ZFYVE26: variants seen among roughly 807,000 people sequenced by gnomAD.
The protein encoded by ZFYVE26 is zinc finger FYVE-type containing 26, also known as zinc finger FYVE domain-containing protein 26.
In ZFYVE26, 181 loss-of-function variants were observed where a neutral mutation model predicts 276.5. The ratio of observed to expected loss-of-function variants is 0.65; its 90% CI spans 0.58 to 0.74. ZFYVE26 has a LOEUF of 0.74. Ranked by LOEUF, ZFYVE26 falls within the 30% of genes least tolerant of loss-of-function variation. The pLI is 0.00. For missense variants in ZFYVE26, 2,821 were observed against 3,097.9 expected, an observed-to-expected ratio of 0.91 and a Z score of 2.12; for synonymous variants, 1,129 against 1,203.1, an observed-to-expected ratio of 0.94 and a Z score of 1.27.
In ZFYVE26 at chr14:67,793,703, G is replaced by A. The variant is rs138022659; in HGVS notation, c.2458C>T (p.His820Tyr). 1.9e-6 allele frequency: 3 copies of A among 1,613,798 alleles called. No individual in the cohort carries two copies. The highest frequency in any genetic ancestry group is 1.7e-5 in the Admixed American group (1 of 59,972). Residue 820 changes from histidine (H) to tyrosine (Y), a missense_variant, in exon 14 of 42, where the codon CAT (histidine) becomes TAT (tyrosine). Physicochemically the swap from His to Tyr is moderately conservative, Grantham distance 83. Coordinates refer to ENST00000347230, the MANE Select transcript of ZFYVE26 (RefSeq NM_015346.4). Reference sequence around the variant, plus strand: ...ATGGGGATGAGTGAACTTTGAGGATGGGGGTGCAATCTACTGTGCAGCTCA... The same window carrying A: ...ATGGGGATGAGTGAACTTTGAGGATAGGGGTGCAATCTACTGTGCAGCTCA... ...RNELHSRLHPHPQSSLIPMMF... is the reference protein window; with the variant it reads ...RNELHSRLHPYPQSSLIPMMF...
At chr14:67,811,593 T>G (rs1421390468) in intron 3 of ZFYVE26, among the ~76,000 whole-genome samples, 1 of 151,986 alleles carries the variant, frequency 6.6e-6, no homozygotes, top group Non-Finnish European at 1.5e-5. Context: ...GCATGTTCAA[T>G]GTAGAAAAAT....
At chr14:67,778,546 A>C (rs555915088) in intron 23 of ZFYVE26, among the ~76,000 whole-genome samples, 12 of 152,272 alleles carry the variant, frequency 7.9e-5, no homozygotes, top group Non-Finnish European at 1.2e-4. Context: ...AAGAATGGGC[A>C]GGCCCAATGT....
Position 67,807,658 on chromosome 14 carries a change from G to A in ZFYVE26, c.626C>T (p.Ser209Leu), listed in dbSNP as rs201879207. 1.9e-5 allele frequency: 30 copies of A among 1,614,038 alleles called. 1 individual carries two copies. Among genetic ancestry groups the A allele is most frequent in the East Asian group, 6.7e-5 (3 of 44,900 alleles). Reference protein sequence around the residue: ...KALRALQGPDSVPPGVVDAIY... With the variant: ...KALRALQGPDLVPPGVVDAIY... ...GGCATCGACTACCCCAGGGGGCACC[G>A]AATCAGGGCCCTGCAAAGCCCGCAA... The change falls in exon 5 of 42, where the codon TCG becomes TTG. Residue 209 changes from serine (S) to leucine (L), a missense_variant. Physicochemically the swap from Ser to Leu is moderately radical, Grantham distance 145. Transcript: ENST00000347230.
chr14:67,747,882 A>C lies in ZFYVE26; in HGVS notation c.*554T>G, dbSNP rs1726771235. Reference sequence around the variant, plus strand: ...TATTCCACAGGTAGCACTTGCCCCAAAGCCATCTCTGAATTTTGGAATGGG... The same window carrying C: ...TATTCCACAGGTAGCACTTGCCCCACAGCCATCTCTGAATTTTGGAATGGG... On this transcript the variant is annotated 3_prime_UTR_variant, in exon 42 of 42. Coordinates refer to ENST00000347230, the MANE Select transcript of ZFYVE26 (RefSeq NM_015346.4). 1 of 159,816 alleles carries C rather than the reference A, an allele frequency of 6.3e-6. No individual in the cohort carries two copies. Among genetic ancestry groups the C allele is most frequent in the African/African-American group, 2.4e-5 (1 of 41,468 alleles). 9.9% of individuals were successfully genotyped at this position (159,816 alleles called of 1,614,324 possible).
intron 33 of ZFYVE26, 109 bp from the exon 34 acceptor site, chr14:67,762,521 C>T: frequency 6.5e-7 from 1 of 1,528,432 alleles, no homozygotes; most frequent in Non-Finnish European, 8.9e-7. Context: ...CCACTATCTG[C>T]CATTACTTCT....
rs765059644 is a variant in ZFYVE26 at position 67,785,227 on chromosome 14, C to T, written c.3355G>A (p.Ala1119Thr). 6.2e-7 allele frequency: 1 copy of T among 1,613,626 alleles called. No homozygotes were observed. Among genetic ancestry groups the T allele is most frequent in the African/African-American group, 1.3e-5 (1 of 75,036 alleles). Residue 1119 changes from alanine to threonine, a missense_variant, in exon 19 of 42, where the codon GCT becomes ACT. Coordinates refer to ENST00000347230, the MANE Select transcript of ZFYVE26 (RefSeq NM_015346.4). ...SSLVEQAAQK[A>T]PEAEAHPVQI... ...ACAGGGTGGGCCTCTGCCTCTGGAG[C>T]TTTCTGGGCTGCCTGCTCCACCAGG...
chr14:67,804,601 A>G (rs952103610), intron 8 of ZFYVE26, among the ~76,000 whole-genome samples: 3 of 152,204 alleles, frequency 2.0e-5, no homozygotes, highest in African/African-American at 4.8e-5. Context: ...TACTTTGAGT[A>G]AGAGCCCCTT....
At position 67,815,461 on chromosome 14, in the gene ZFYVE26, T is replaced by C. The variant is rs551000262; in HGVS notation, c.194+309A>G. On this transcript the variant is annotated intron_variant, in intron 2 of 41. Coordinates refer to ENST00000347230, the MANE Select transcript of ZFYVE26 (RefSeq NM_015346.4). ...CAAGAAGAGAGCAGGGTTTGCTTTTTTGGAGGCAAAGAAAATAGTTTTCAA... is the reference window on the plus strand; with the variant it reads ...CAAGAAGAGAGCAGGGTTTGCTTTTCTGGAGGCAAAGAAAATAGTTTTCAA... 348 of 396,688 alleles carry C rather than the reference T, an allele frequency of 8.8e-4. 4 individuals carry two copies. The highest frequency in any genetic ancestry group is 3.8e-3 in the Middle Eastern group (5 of 1,320). The allele number at this position is 396,688 out of a possible 1,614,324, so 24.6% of individuals were successfully genotyped here.
rs201210376 is a variant in ZFYVE26 at position 67,762,227 on chromosome 14, G to T, written c.6345C>A (p.Ser2115=). The T allele has an allele frequency of 1.2e-6, 2 of 1,614,104 alleles. No homozygotes were observed. The highest frequency in any genetic ancestry group is 1.7e-6 in the Non-Finnish European group (2 of 1,180,020). The change falls in exon 34 of 42, where the codon TCC becomes TCA. Residue 2115 remains serine, a synonymous_variant. Transcript: ENST00000347230. ...CCAAGGATACAAAGGGCCTCACTGT[G>T]GACTCTAGGTACTCAACCACATCCT... ...LVQDVVEYLE[S]TVRPFVSLQD...
chr14:67,741,260 A>G (rs1267459745), intron 13 of ZFYVE26, among the ~76,000 whole-genome samples: 2 of 152,222 alleles, frequency 1.3e-5, no homozygotes, highest in African/African-American at 4.8e-5. Context: ...TTAGGGTATC[A>G]GGTTATGTTA....
chr14:67,732,032 C>T (rs573046391), intron 13 of ZFYVE26, among the ~76,000 whole-genome samples: 1 of 148,976 alleles, frequency 6.7e-6, no homozygotes, highest in Non-Finnish European at 1.5e-5. Context: ...GAGGCTGAGG[C>T]AGGAGAATCA....
In ZFYVE26 at chr14:67,767,822, T is replaced by C. The variant is rs3742883; in HGVS notation, c.5672A>G (p.Asn1891Ser). 0.97 allele frequency: 1,569,503 copies of C among 1,614,112 alleles called. 764,356 individuals carry two copies. Among genetic ancestry groups the C allele is most frequent in the Non-Finnish European group, 0.99 (1,164,159 of 1,180,050 alleles). Residue 1891 changes from asparagine (N) to serine (S), a missense_variant, in exon 31 of 42, where the codon AAT becomes AGT. Transcript: ENST00000347230. ...CACAAACGAGTATGGAGGGCTTTCA[T>C]TCTTGGAGCTGTCTAGAGCTGAGAA... is the stretch of plus-strand genomic sequence containing the variant. Reference protein sequence around the residue: ...EKPEALDSSKNESPPYSFVVR... With the variant: ...EKPEALDSSKSESPPYSFVVR...
chr14:67,773,093 C>T (rs2039255271), intron 27 of ZFYVE26, among the ~76,000 whole-genome samples: 1 of 152,118 alleles, frequency 6.6e-6, no homozygotes, highest in Non-Finnish European at 1.5e-5. Flanking sequence ...AATTTGAATA[C>T]TGACTTGATA....
Position 67,783,235 on chromosome 14 carries a change from G to T in ZFYVE26, c.3917C>A (p.Ala1306Asp). The T allele has an allele frequency of 6.2e-7, 1 of 1,614,004 alleles. No individual in the cohort carries two copies. Among genetic ancestry groups the T allele is most frequent in the Non-Finnish European group, 8.5e-7 (1 of 1,179,890 alleles). Residue 1306 changes from alanine to aspartate, a missense_variant, in exon 21 of 42, where the codon GCC becomes GAC. Transcript: ENST00000347230. ...GAGCTTTGAGCGTGACTTAAGAAAG[G>T]CCAAGGCAGAGGAGGTGAGGGCTGG... ...SLPALTSSALAFLKSRSKLLA... is the reference protein window; with the variant it reads ...SLPALTSSALDFLKSRSKLLA...
intron 41 of ZFYVE26, among the ~76,000 whole-genome samples, chr14:67,749,750 T>C (rs1002957292): frequency 6.6e-6 from 1 of 152,242 alleles, no homozygotes; most frequent in African/African-American, 2.4e-5. Flanking sequence ...CCTGTGCCGC[T>C]TGGGAATCCA....
chr14:67,805,076 T>C, intron 8 of ZFYVE26, 141 bp downstream of exon 8: 1 of 777,568 alleles, frequency 1.3e-6, no homozygotes. Context: ...TTGGTTTAAT[T>C]GTTGGAACAA....
downstream of ZFYVE26, among the ~76,000 whole-genome samples, chr14:67,743,234 T>A (rs1045262227): frequency 1.3e-5 from 2 of 152,096 alleles, no homozygotes; most frequent in Admixed American, 1.3e-4. Flanking sequence ...ACACCTGTAA[T>A]CCCAGCACCT....
intron 11 of ZFYVE26, 46 bp downstream of exon 11, chr14:67,797,968 T>C (rs2039991771): frequency 5.6e-6 from 9 of 1,613,084 alleles, no homozygotes; most frequent in Non-Finnish European, 7.6e-6. Flanking sequence ...CTGGGATCTT[T>C]CTCCCTCTCC....
intron 10 of ZFYVE26, chr14:67,799,666 T>G: frequency 8.0e-7 from 1 of 1,247,778 alleles, no homozygotes; most frequent in Non-Finnish European, 1.2e-6. Flanking sequence ...GTAGGCAAGG[T>G]GCTGGCAAGA....
Sources: allele counts gnomAD v4.1 joint callset (sites outside exome capture counted in the v4.1 genomes callset), GRCh38; gene constraint gnomAD v4.1.1; transcripts MANE v1.5; gene names NCBI Gene and HGNC (gene_info 2026-07-23, HGNC 2026-07-21).